The following XKR4 variants were observed in gnomAD, a reference collection of about 807,000 sequenced individuals.
The protein encoded by XKR4 is XK related 4.
In XKR4, 12 loss-of-function variants were observed where a neutral mutation model predicts 53.9. That is an observed-to-expected ratio of 0.22 (90% CI 0.14 to 0.36). The LOEUF (loss-of-function observed/expected upper bound fraction) is 0.36. Ranked by LOEUF, XKR4 falls within the 10% of genes least tolerant of loss-of-function variation. The probability of loss-of-function intolerance (pLI) is 1.00; values close to 1 mark genes in which losing one functional copy is unlikely to be tolerated. For synonymous variants in XKR4, 354 were observed against 362.4 expected, an observed-to-expected ratio of 0.98 and a Z score of 0.26; for missense variants, 799 against 859.5, an observed-to-expected ratio of 0.93 and a Z score of 0.88.
chr8:55,332,215 TC>T (rs1190309438), intron 1 of XKR4, among the ~76,000 whole-genome samples: 1 of 152,146 alleles, frequency 6.6e-6, no homozygotes, highest in Non-Finnish European at 1.5e-5. Flanking sequence ...ACAACTGTAC[TC>T]ATTCACTTTT....
In XKR4 at chr8:55,406,224, A is replaced by G. The variant is rs558040881; in HGVS notation, c.1006+48347A>G. 5.9e-5 allele frequency among the ~76,000 whole-genome samples: 9 copies of G among 152,328 alleles called. No individual in the cohort carries two copies. In the South Asian group the frequency reaches 1.9e-3, roughly 32 times the overall value. On this transcript the variant is annotated intron_variant, in intron 2 of 2. Transcript: ENST00000327381. The stretch of plus-strand genomic sequence containing the variant: ...GGGAAAGTTTAACTTTGGTTGATCT[A>G]TATGGTGCAGTTATTGAAGCCTAAG...
At chr8:55,420,239 T>C (rs1804904718) in intron 2 of XKR4, among the ~76,000 whole-genome samples, 1 of 152,174 alleles carries the variant, frequency 6.6e-6, no homozygotes, top group South Asian at 2.1e-4. Flanking sequence ...ATCTTTCTAG[T>C]CTAGAACAAC....
At position 55,537,345 on chromosome 8, in the gene XKR4, C is replaced by T. The variant is rs1807044691; in HGVS notation, c.*13118C>T. ...ATTTGTGGACATTTCTTCATTGTGA[C>T]TGTAGGAAGCTGAGCTTGTTTCTCC... On this transcript the variant is annotated 3_prime_UTR_variant, in exon 3 of 3. Transcript: ENST00000327381. 6.6e-6 allele frequency: 1 copy of T among 152,216 alleles called. No individual in the cohort carries two copies. Among genetic ancestry groups the T allele is most frequent in the Non-Finnish European group, 1.5e-5 (1 of 68,038 alleles). The allele number at this position is 152,216 out of a possible 1,614,324, so 9.4% of individuals were successfully genotyped here.
intron 1 of XKR4, among the ~76,000 whole-genome samples, chr8:55,309,287 T>G (rs572204949): frequency 6.6e-6 from 1 of 152,346 alleles, no homozygotes; most frequent in East Asian, 1.9e-4. Context: ...AGAATTATAC[T>G]GGGTGAAAAA....
intron 2 of XKR4, among the ~76,000 whole-genome samples, chr8:55,410,534 A>T (rs561710080): frequency 2.2e-4 from 34 of 152,314 alleles, no homozygotes; most frequent in African/African-American, 7.5e-4. Context: ...AGCCTCTCAG[A>T]CACCCAGGCT....
At position 55,182,034 on chromosome 8, in the gene XKR4, C is replaced by T. The variant is rs138672665; in HGVS notation, c.806+78740C>T. 5.3e-5 allele frequency among the ~76,000 whole-genome samples: 8 copies of T among 152,278 alleles called. No individual in the cohort carries two copies. The East Asian group carries it at 1.3e-3, about 26-fold the overall frequency. On this transcript the variant is annotated intron_variant, in intron 1 of 2. Transcript: ENST00000327381. The stretch of plus-strand genomic sequence containing the variant: ...TGTTCCCTCCTCATGTATTCCATGA[C>T]TTACTTGCTATCCATTATTCTTTTT...
intron 1 of XKR4, among the ~76,000 whole-genome samples, chr8:55,332,183 C>T (rs1025306275): frequency 6.6e-6 from 1 of 152,006 alleles, no homozygotes; most frequent in African/African-American, 2.4e-5. Flanking sequence ...TAATTTCAAT[C>T]ACACACAAAA....
chr8:55,396,543 C>G (rs961349213), intron 2 of XKR4, among the ~76,000 whole-genome samples: 1 of 151,058 alleles, frequency 6.6e-6, no homozygotes, highest in Admixed American at 6.7e-5. Context: ...AGAAAAAGAA[C>G]AGCCCAGAAG....
At chr8:55,159,725 G>C (rs1185968153) in intron 1 of XKR4, among the ~76,000 whole-genome samples, 1 of 152,128 alleles carries the variant, frequency 6.6e-6, no homozygotes, top group Non-Finnish European at 1.5e-5. Flanking sequence ...TTTGTCTGTT[G>C]GTTTAAGATG....
At chr8:55,164,773 A>C in intron 1 of XKR4, 1 of 200,062 alleles carries the variant, frequency 5.0e-6, no homozygotes, top group Non-Finnish European at 9.5e-6. Flanking sequence ...CCTTCTAACA[A>C]AAGTTCACAC....
At position 55,450,716 on chromosome 8, in the gene XKR4, TGAA is replaced by T. The variant is rs1232747363; in HGVS notation, c.1007-72563_1007-72561del. 3 of 584,496 alleles carry T rather than the reference TGAA, an allele frequency of 5.1e-6. No individual in the cohort carries two copies. The African/African-American group carries it at 5.7e-5, about 11-fold the overall frequency. 36.2% of individuals were successfully genotyped at this position (584,496 alleles called of 1,614,324 possible). A position where few individuals can be genotyped will look rare whatever the true frequency, so the allele number is the denominator to read the frequency against. ...GCTCCCCCGTGGCTGAAGCGATGACTGAAGGACAGCCACTCCTTCTCCACCAGC... is the reference window on the plus strand; with the variant it reads ...GCTCCCCCGTGGCTGAAGCGATGACTGGACAGCCACTCCTTCTCCACCAGC... On this transcript the variant is annotated intron_variant, in intron 2 of 2. Coordinates refer to ENST00000327381, the MANE Select transcript of XKR4 (RefSeq NM_052898.2).
intron 1 of XKR4, among the ~76,000 whole-genome samples, chr8:55,147,822 A>G (rs964116521): frequency 1.3e-5 from 2 of 152,204 alleles, no homozygotes; most frequent in African/African-American, 2.4e-5. Context: ...CAAATATGAC[A>G]TTGTGCCAAA....
chr8:55,305,094 C>T (rs771262047), intron 1 of XKR4, among the ~76,000 whole-genome samples: 1 of 152,108 alleles, frequency 6.6e-6, no homozygotes, highest in African/African-American at 2.4e-5. Flanking sequence ...GATGGGACTA[C>T]AGGGGAAAGG....
chr8:55,161,445 T>A (rs187284503), intron 1 of XKR4: 3 of 435,830 alleles, frequency 6.9e-6, no homozygotes, highest in Admixed American at 5.1e-5. Context: ...CAAGGGAAAC[T>A]AGAGTCTTTG....
intron 2 of XKR4, among the ~76,000 whole-genome samples, chr8:55,458,801 T>C (rs774410590): frequency 2.0e-4 from 31 of 152,168 alleles, no homozygotes; most frequent in Non-Finnish European, 4.0e-4. Context: ...GCTGCACTGC[T>C]TTGCCCCTCT....
chr8:55,217,007 G>C (rs4737949), intron 1 of XKR4, among the ~76,000 whole-genome samples: 1 of 151,904 alleles, frequency 6.6e-6, no homozygotes, highest in Non-Finnish European at 1.5e-5. Flanking sequence ...CTTTGGGAGG[G>C]TGAGGTGGGT....
At chr8:55,420,483 G>A (rs61122696) in intron 2 of XKR4, among the ~76,000 whole-genome samples, 1 of 144,082 alleles carries the variant, frequency 6.9e-6, no homozygotes, top group African/African-American at 2.9e-5. Context: ...CATGTCTTTG[G>A]AGGGACATGG....
At position 55,476,753 on chromosome 8, in the gene XKR4, C is replaced by A. The variant is rs576021899; in HGVS notation, c.1007-46528C>A. 3.2e-4 allele frequency among the ~76,000 whole-genome samples: 49 copies of A among 152,238 alleles called. 1 individual carries two copies. The highest frequency in any genetic ancestry group is 1.0e-3 in the African/African-American group (43 of 41,484). On this transcript the variant is annotated intron_variant, in intron 2 of 2. Transcript: ENST00000327381. Reference sequence around the variant, plus strand: ...CACACCAGGAGATTATATCCCGCACCTGGCTCAGAGGGTCCTATGCCCATG... The same window carrying A: ...CACACCAGGAGATTATATCCCGCACATGGCTCAGAGGGTCCTATGCCCATG...
chr8:55,395,177 G>T (rs1804497558), intron 2 of XKR4, among the ~76,000 whole-genome samples: 1 of 152,226 alleles, frequency 6.6e-6, no homozygotes, highest in East Asian at 1.9e-4. Context: ...GATTTTGGGA[G>T]AAGGAAAGGA....
Sources: gnomAD v4.1 joint callset for allele counts (sites outside exome capture counted in the v4.1 genomes callset) on GRCh38, gnomAD v4.1.1 for gene constraint, MANE v1.5 for transcripts, NCBI Gene and HGNC (gene_info 2026-07-23, HGNC 2026-07-21) for gene names.